PHTF2: variants seen among roughly 807,000 people sequenced by gnomAD.
The protein encoded by PHTF2 is putative homeodomain transcription factor 2.
Under a neutral mutation model 101.2 loss-of-function variants are expected in PHTF2, and 60 were observed. The ratio of observed to expected loss-of-function variants is 0.59; its 90% confidence interval spans 0.48 to 0.73. The LOEUF (loss-of-function observed/expected upper bound fraction) is 0.73, where lower values mean the gene tolerates loss of function less well. Ranked by LOEUF, PHTF2 falls within the 30% of genes least tolerant of loss-of-function variation. The probability of loss-of-function intolerance (pLI) is 0.00; values close to 1 mark genes in which losing one functional copy is unlikely to be tolerated. For synonymous variants in PHTF2, 311 were observed against 307.3 expected (o/e 1.01, Z -0.13); for missense variants, 747 against 908.7 (o/e 0.82, Z 2.29).
At chr7:77,922,922 T>TA in intron 11 of PHTF2, 144 bp downstream of exon 10, 1 of 1,346,230 alleles carries the variant, frequency 7.4e-7, no homozygotes, top group African/African-American at 1.5e-5. Flanking sequence ...TCTGGATTTA[T>TA]AAAATAGCAG....
chr7:77,892,087 C>CT (rs1284098634), intron 3 of PHTF2, among the ~76,000 whole-genome samples: 2 of 152,152 alleles, frequency 1.3e-5, no homozygotes, highest in Non-Finnish European at 2.9e-5. Context: ...ACCATCCTGG[C>CT]TAATGCGGTG....
intron 3 of PHTF2, among the ~76,000 whole-genome samples, chr7:77,877,304 C>G (rs563713447): frequency 5.3e-4 from 80 of 152,142 alleles, no homozygotes; most frequent in Admixed American, 1.2e-3. Flanking sequence ...CAGGGTTTCA[C>G]TGTGTCGGTC....
At chr7:77,894,715 A>G (rs577344183) in intron 5 of PHTF2, among the ~76,000 whole-genome samples, 3 of 152,310 alleles carry the variant, frequency 2.0e-5, no homozygotes, top group African/African-American at 7.2e-5. Flanking sequence ...CTAAAACTCT[A>G]TAGAAGAGCG....
intron 1 of PHTF2, among the ~76,000 whole-genome samples, chr7:77,828,495 G>A (rs1794848575): frequency 6.6e-6 from 1 of 152,076 alleles, no homozygotes; most frequent in South Asian, 2.1e-4. Flanking sequence ...ATTCTGCAGA[G>A]GGCTTTGTGG....
At chr7:77,862,477 T>C (rs1797726023) in intron 3 of PHTF2, among the ~76,000 whole-genome samples, 1 of 152,132 alleles carries the variant, frequency 6.6e-6, no homozygotes, top group African/African-American at 2.4e-5. Flanking sequence ...AGTTTTTCCG[T>C]TAAAAGGAAG....
intron 1 of PHTF2, among the ~76,000 whole-genome samples, chr7:77,837,855 T>C (rs1245771736): frequency 6.6e-6 from 1 of 152,152 alleles, no homozygotes; most frequent in Non-Finnish European, 1.5e-5. Flanking sequence ...ATATTAAATA[T>C]CTGATATGTT....
chr7:77,920,221 A>G (rs911904036), intron 9 of PHTF2, 58 bp from the exon 9 acceptor site: 5 of 867,392 alleles, frequency 5.8e-6, no homozygotes, highest in African/African-American at 5.1e-5. Context: ...AATTTCTATC[A>G]GTAACCTATC....
intron 1 of PHTF2, among the ~76,000 whole-genome samples, chr7:77,801,627 G>A (rs1160800230): frequency 6.6e-6 from 1 of 152,008 alleles, no homozygotes; most frequent in Admixed American, 6.6e-5. Flanking sequence ...TCAAAACTTA[G>A]CTTCATGCAC....
chr7:77,947,649 C>T (rs1806170090), intron 16 of PHTF2, among the ~76,000 whole-genome samples: 1 of 151,900 alleles, frequency 6.6e-6, no homozygotes, highest in Non-Finnish European at 1.5e-5. Context: ...ATTGATTCTC[C>T]TGGGGGAATT....
intron 12 of PHTF2, among the ~76,000 whole-genome samples, chr7:77,933,710 TG>T (rs35385827): frequency 0.086 from 11,961 of 139,656 alleles, 572 homozygotes; most frequent in Middle Eastern, 0.11. Flanking sequence ...AGGGACCATG[TG>T]TTTTTTTTTT....
chr7:77,867,105 A>G (rs1798130845), intron 3 of PHTF2, among the ~76,000 whole-genome samples: 1 of 152,194 alleles, frequency 6.6e-6, no homozygotes, highest in Non-Finnish European at 1.5e-5. Context: ...TAATAATACT[A>G]ATTATTTTAC....
At chr7:77,949,998 C>T (rs989884993) in intron 17 of PHTF2, among the ~76,000 whole-genome samples, 165 bp downstream of exon 16, 19 of 152,152 alleles carry the variant, frequency 1.2e-4, no homozygotes, top group Non-Finnish European at 2.8e-4. Flanking sequence ...GTGTTCCTGC[C>T]TTGACTCATA....
At chr7:77,851,457 G>T (rs990788876) in intron 2 of PHTF2, among the ~76,000 whole-genome samples, 12 of 151,868 alleles carry the variant, frequency 7.9e-5, no homozygotes, top group Middle Eastern at 3.4e-3. Flanking sequence ...TAATATGTCC[G>T]TTTTCATCTC....
Position 77,953,828 on chromosome 7 carries a change from C to T in PHTF2, c.2271C>T (p.Ile757=), listed in dbSNP as rs202065503. The T allele has an allele frequency of 1.4e-5, 23 of 1,612,314 alleles. No homozygotes were observed. In the African/African-American group the frequency reaches 2.9e-4, roughly 21 times the overall value. ...CAATGAATCCGCTGCTTTATAACAT[C>T]ACCCAGGTTGTTATCCTGTCAGCTG... The change falls in exon 19 of 20, where the codon ATC becomes ATT. Residue 757 remains isoleucine (I), a synonymous_variant. Coordinates refer to ENST00000416283, the Ensembl canonical transcript of PHTF2.
chr7:77,915,093 G>T (rs1802783280), intron 9 of PHTF2, among the ~76,000 whole-genome samples: 1 of 150,190 alleles, frequency 6.7e-6, no homozygotes, highest in Non-Finnish European at 1.5e-5. Context: ...TGTGTTTTTA[G>T]TAGAGGTGGG....
intron 3 of PHTF2, among the ~76,000 whole-genome samples, chr7:77,855,792 C>G (rs1162143690): frequency 6.6e-6 from 1 of 152,206 alleles, no homozygotes; most frequent in African/African-American, 2.4e-5. Context: ...CTCATAATCA[C>G]TACACTTTCT....
chr7:77,839,055 A>G (rs1334445000), intron 1 of PHTF2, among the ~76,000 whole-genome samples: 1 of 152,112 alleles, frequency 6.6e-6, no homozygotes, highest in Non-Finnish European at 1.5e-5. Context: ...CAAGAGTGGT[A>G]TATAAAACCT....
chr7:77,815,809 T>G (rs1257310100), intron 1 of PHTF2, among the ~76,000 whole-genome samples: 1 of 152,240 alleles, frequency 6.6e-6, no homozygotes, highest in Non-Finnish European at 1.5e-5. Flanking sequence ...CCTGAAACTT[T>G]GTTTTATTGC....
intron 3 of PHTF2, among the ~76,000 whole-genome samples, chr7:77,879,731 G>A (rs2150745233): frequency 6.6e-6 from 1 of 151,986 alleles, no homozygotes; most frequent in Middle Eastern, 3.4e-3. Context: ...TTATGGTTTT[G>A]TTGTTAAAAT....
Sources: gnomAD v4.1 joint callset for allele counts (sites outside exome capture counted in the v4.1 genomes callset) on GRCh38, gnomAD v4.1.1 for gene constraint, MANE v1.5 for transcripts, NCBI Gene and HGNC (gene_info 2026-07-23, HGNC 2026-07-21) for gene names.